The following RNF115 variants were observed in gnomAD, a reference collection of about 807,000 sequenced individuals.
RNF115 encodes the protein ring finger protein 115, also known as E3 ubiquitin-protein ligase RNF115.
In RNF115, 31 loss-of-function variants were observed where a neutral mutation model predicts 39.2. The observed-to-expected ratio is 0.79, with a 90% CI of 0.59 to 1.07. The LOEUF is 1.07. RNF115 is among the 50% of genes least tolerant of loss of function. The pLI is 0.00. For synonymous variants in RNF115, 124 were observed against 131.0 expected (o/e 0.95, Z 0.37); for missense variants, 384 against 381.7 (o/e 1.01, Z -0.05).
At chr1:145,770,697 C>CA (rs1264178211) in intron 4 of RNF115, among the ~76,000 whole-genome samples, 1 of 152,240 alleles carries the variant, frequency 6.6e-6, no homozygotes, top group Admixed American at 6.5e-5. Context: ...ATGAAAACAG[C>CA]AATAGCACCT....
At chr1:145,814,762 G>A (rs1170971909) in intron 1 of RNF115, among the ~76,000 whole-genome samples, 1 of 151,958 alleles carries the variant, frequency 6.6e-6, no homozygotes, top group African/African-American at 2.4e-5. Flanking sequence ...ATATTTATCA[G>A]TAGAATTACA....
chr1:145,787,887 CAAAA>C (rs1399948486), intron 2 of RNF115, among the ~76,000 whole-genome samples: 2 of 135,428 alleles, frequency 1.5e-5, no homozygotes, highest in Non-Finnish European at 1.6e-5. Flanking sequence ...GACTCTGTCT[CAAAA>C]AAAAAAGAAA....
At chr1:145,758,622 A>G (rs1006565582) in intron 4 of RNF115, among the ~76,000 whole-genome samples, 1 of 152,338 alleles carries the variant, frequency 6.6e-6, no homozygotes, top group East Asian at 1.9e-4. Flanking sequence ...TACACTGACC[A>G]ATAAGTAAAT....
chr1:145,790,076 A>T (rs1321349587), intron 1 of RNF115, among the ~76,000 whole-genome samples: 1 of 152,214 alleles, frequency 6.6e-6, no homozygotes, highest in Admixed American at 6.5e-5. Context: ...ATAGCTACCT[A>T]AGTGGTTTCC....
At chr1:145,761,471 G>A (rs1374502530) in intron 4 of RNF115, among the ~76,000 whole-genome samples, 1 of 152,176 alleles carries the variant, frequency 6.6e-6, no homozygotes, top group African/African-American at 2.4e-5. Context: ...GGCTGAAAGG[G>A]GCCAACATAG....
At chr1:145,807,264 A>T (rs1553721724) in intron 1 of RNF115, among the ~76,000 whole-genome samples, 2 of 152,234 alleles carry the variant, frequency 1.3e-5, no homozygotes, top group African/African-American at 4.8e-5. Context: ...AGAAATAGAT[A>T]TACTTCTGGA....
chr1:145,823,841 C>T lies in RNF115; in HGVS notation c.33G>A (p.Ser11=), dbSNP rs782032924. MAEASAAGAD[S]GAAVAAHRFF... The stretch of plus-strand genomic sequence containing the variant: ...ACCGGTGGGCGGCTACAGCGGCGCC[C>T]GAGTCCGCCCCGGCCGCCGAAGCCT... The change falls in exon 1 of 9, where the codon TCG becomes TCA. Residue 11 remains serine (S), a synonymous_variant. Transcript: ENST00000582693. The T allele has an allele frequency of 3.8e-6, 6 of 1,572,644 alleles. No homozygotes were observed. The East Asian group carries it at 1.5e-4, about 39-fold the overall frequency.
chr1:145,819,468 T>TA (rs1650139030), intron 1 of RNF115, among the ~76,000 whole-genome samples: 1 of 150,802 alleles, frequency 6.6e-6, no homozygotes, highest in Non-Finnish European at 1.5e-5. Context: ...TAATGAAAAA[T>TA]AAAAAACTTA....
intron 4 of RNF115, among the ~76,000 whole-genome samples, chr1:145,762,021 T>C (rs897509422): frequency 3.3e-5 from 5 of 152,230 alleles, no homozygotes; most frequent in African/African-American, 9.6e-5. Flanking sequence ...ATTTTGGACA[T>C]GCATGGGACC....
intron 4 of RNF115, among the ~76,000 whole-genome samples, chr1:145,762,705 A>G (rs1007851797): frequency 2.0e-5 from 3 of 152,068 alleles, no homozygotes; most frequent in African/African-American, 4.8e-5. Flanking sequence ...AACCAAAAAA[A>G]GTCAGTTCTC....
rs1191626711 is a variant in RNF115, at chr1:145,771,732, T to C, written c.407A>G (p.Asp136Gly). The C allele has an allele frequency of 6.2e-7, 1 of 1,614,042 alleles. No homozygotes were observed. Among genetic ancestry groups the C allele is most frequent in the East Asian group, 2.2e-5 (1 of 44,878 alleles). ...TCACCCTTCAATAGCTGGAGATCTG[T>C]CAGGACGAGAACTTCCTCGAGATCT... ...RYRSRGSSRP[D>G]RSPAIEGILQ... The change falls in exon 4 of 9, where the codon GAC becomes GGC. Residue 136 changes from aspartate (D) to glycine (G), a missense_variant. Transcript: ENST00000582693.
Position 145,743,817 on chromosome 1 carries a change from AT to A in RNF115, c.*3048del, listed in dbSNP as rs1657774506. 1 of 147,548 alleles carries A rather than the reference AT, an allele frequency of 6.8e-6. No individual in the cohort carries two copies. The highest frequency in any genetic ancestry group is 2.5e-5 in the African/African-American group (1 of 40,424). The allele number at this position is 147,548 out of a possible 1,614,324, so 9.1% of individuals were successfully genotyped here. A position where few individuals can be genotyped will look rare whatever the true frequency, so the allele number is the denominator to read the frequency against. ...AAATAAATAAATAAATAAATAAATA[AT>A]AATAATAATAATAATAAATCCCTGA... On this transcript the variant is annotated 3_prime_UTR_variant, in exon 9 of 9. Transcript: ENST00000582693.
rs1657836622 is a variant in RNF115, at chr1:145,745,455, G to C, written c.*1411C>G. 1 of 145,108 alleles carries C rather than the reference G, an allele frequency of 6.9e-6. No individual in the cohort carries two copies. Among genetic ancestry groups the C allele is most frequent in the Non-Finnish European group, 1.5e-5 (1 of 65,896 alleles). 9.0% of individuals were successfully genotyped at this position (145,108 alleles called of 1,614,324 possible). ...AAACAAACAAAAAAAGCAGTGAGTT[G>C]GGGATTTTTTTTTTTTTTTTGAGAT... On this transcript the variant is annotated 3_prime_UTR_variant, in exon 9 of 9. Coordinates refer to ENST00000582693, the MANE Select transcript of RNF115 (RefSeq NM_014455.4).
At chr1:145,794,872 C>T (rs587654265) in intron 1 of RNF115, among the ~76,000 whole-genome samples, 4 of 151,902 alleles carry the variant, frequency 2.6e-5, no homozygotes, top group Admixed American at 6.5e-5. Flanking sequence ...AAAAAATTAG[C>T]CGTGCGTGGT....
intron 4 of RNF115, among the ~76,000 whole-genome samples, chr1:145,753,770 G>A (rs1310193726): frequency 3.3e-5 from 5 of 152,170 alleles, no homozygotes; most frequent in African/African-American, 1.2e-4. Flanking sequence ...AGGCTGGAGT[G>A]CAGTGGAGCG....
chr1:145,781,166 A>G (rs182568568), intron 3 of RNF115, among the ~76,000 whole-genome samples: 1 of 152,306 alleles, frequency 6.6e-6, no homozygotes, highest in African/African-American at 2.4e-5. Flanking sequence ...TTTAAAAAAA[A>G]GTCAATACTG....
At chr1:145,813,126 T>C (rs1207289139) in intron 1 of RNF115, among the ~76,000 whole-genome samples, 5 of 151,366 alleles carry the variant, frequency 3.3e-5, no homozygotes, top group Non-Finnish European at 5.9e-5. Flanking sequence ...TTACACTGCC[T>C]TTCAATTAGG....
chr1:145,742,600 T>C lies in RNF115; in HGVS notation c.*4266A>G, dbSNP rs1369301473. 5 of 152,198 alleles carry C rather than the reference T, an allele frequency of 3.3e-5. No individual in the cohort carries two copies. In the East Asian group the frequency reaches 9.6e-4, roughly 29 times the overall value. The allele number at this position is 152,198 out of a possible 1,614,324, so 9.4% of individuals were successfully genotyped here. On this transcript the variant is annotated 3_prime_UTR_variant, in exon 9 of 9. Coordinates refer to ENST00000582693, the MANE Select transcript of RNF115 (RefSeq NM_014455.4). ...TGTGAGGCTCCAGCTCTCTTCTGTATCCCTGCTCACTTTACCTCAGTGCAC... is the reference window on the plus strand; with the variant it reads ...TGTGAGGCTCCAGCTCTCTTCTGTACCCCTGCTCACTTTACCTCAGTGCAC...
chr1:145,747,084 AC>A, intron 8 of RNF115, 87 bp from the exon 9 acceptor site: 2 of 1,351,002 alleles, frequency 1.5e-6, no homozygotes, highest in Non-Finnish European at 2.0e-6. Context: ...GAGAATTGTC[AC>A]ATCAAAAATT....
Sources: gnomAD v4.1 joint callset for allele counts (sites outside exome capture counted in the v4.1 genomes callset) on GRCh38, gnomAD v4.1.1 for gene constraint, MANE v1.5 for transcripts, NCBI Gene and HGNC (gene_info 2026-07-23, HGNC 2026-07-21) for gene names.